The following DTWD2 variants were observed in gnomAD, a reference collection of about 807,000 sequenced individuals.
DTWD2 encodes the protein DTW motif tRNA-uridine aminocarboxypropyltransferase 2.
DTWD2 carries 39 observed loss-of-function variants against 31.8 expected under a neutral mutation model. The ratio of observed to expected loss-of-function variants is 1.22; its 90% CI spans 0.95 to 1.60. The LOEUF is 1.60. Ranked by LOEUF, DTWD2 falls within the 40% of genes most tolerant of loss-of-function variation. The probability of loss-of-function intolerance (pLI) is 0.00; values close to 1 mark genes in which losing one functional copy is unlikely to be tolerated. For synonymous variants in DTWD2, 180 were observed against 142.8 expected (o/e 1.26, Z -1.86); for missense variants, 515 against 381.5 (o/e 1.35, Z -2.92).
At chr5:118,875,909 T>C (rs1380293771) in intron 4 of DTWD2, among the ~76,000 whole-genome samples, 1 of 152,212 alleles carries the variant, frequency 6.6e-6, no homozygotes, top group Non-Finnish European at 1.5e-5. Flanking sequence ...TATATTCTTT[T>C]CTTCGCCACA....
At chr5:118,858,442 T>C (rs1176597663) in intron 4 of DTWD2, among the ~76,000 whole-genome samples, 1 of 152,228 alleles carries the variant, frequency 6.6e-6, no homozygotes, top group Non-Finnish European at 1.5e-5. Context: ...AGGAGAAAAG[T>C]GTGATTGTCT....
intron 4 of DTWD2, among the ~76,000 whole-genome samples, chr5:118,913,009 G>A (rs555990057): frequency 6.6e-6 from 1 of 152,254 alleles, no homozygotes; most frequent in African/African-American, 2.4e-5. Context: ...GGTATAGTTA[G>A]GGCTCATTAC....
At chr5:118,863,236 T>C (rs952517524) in intron 4 of DTWD2, among the ~76,000 whole-genome samples, 2 of 152,176 alleles carry the variant, frequency 1.3e-5, no homozygotes, top group African/African-American at 4.8e-5. Context: ...TAAAAACAAA[T>C]AGTTGTCCCC....
chr5:118,847,525 T>G (rs1426025186), intron 5 of DTWD2, among the ~76,000 whole-genome samples: 1 of 152,160 alleles, frequency 6.6e-6, no homozygotes, highest in Non-Finnish European at 1.5e-5. Flanking sequence ...TGCTGATGAT[T>G]ATTAATTATA....
At position 118,941,911 on chromosome 5, in the gene DTWD2, G is replaced by C. The variant is rs896047088; in HGVS notation, c.310-2621C>G. 6.6e-5 allele frequency among the ~76,000 whole-genome samples: 10 copies of C among 152,150 alleles called. 1 individual carries two copies. The highest frequency in any genetic ancestry group is 2.2e-4 in the African/African-American group (9 of 41,412). On this transcript the variant is annotated intron_variant, in intron 2 of 5. Transcript: ENST00000510708. The stretch of plus-strand genomic sequence containing the variant: ...TGATATCTCATTGTGGTTTTGATTT[G>C]CATTTCTCTGATGGCCAGTGATGAA...
intron 1 of DTWD2, among the ~76,000 whole-genome samples, chr5:118,980,291 A>C (rs1379924660): frequency 1.3e-5 from 2 of 152,238 alleles, no homozygotes; most frequent in East Asian, 3.8e-4. Context: ...CACTGTGTGC[A>C]CAGCATCTAC....
rs1257252388 is a variant in DTWD2, at chr5:118,888,274, A to G, written c.598-40056T>C. Among the ~76,000 whole-genome samples the G allele has an allele frequency of 2.6e-5, 4 of 152,078 alleles. No homozygotes were observed. The East Asian group carries it at 7.7e-4, about 29-fold the overall frequency. On this transcript the variant is annotated intron_variant, in intron 4 of 5. Coordinates refer to ENST00000510708, the MANE Select transcript of DTWD2 (RefSeq NM_173666.4). ...CTTCTCTTTCCTTCTTCCTTCATCC[A>G]TCAAGGCTAGCAATGGATCTGCTTC...
chr5:118,917,840 C>G (rs1192529049), intron 4 of DTWD2, among the ~76,000 whole-genome samples: 3 of 151,988 alleles, frequency 2.0e-5, no homozygotes, highest in Admixed American at 6.5e-5. Flanking sequence ...TAGTGCGTGA[C>G]TATAATCCCA....
chr5:118,987,304 C>T (rs977543871), intron 1 of DTWD2, among the ~76,000 whole-genome samples: 4 of 152,176 alleles, frequency 2.6e-5, no homozygotes, highest in Non-Finnish European at 5.9e-5. Flanking sequence ...ATACATAGTA[C>T]ATTTAGAAAA....
At chr5:118,925,826 C>CA (rs1753797091) in intron 4 of DTWD2, among the ~76,000 whole-genome samples, 1 of 149,922 alleles carries the variant, frequency 6.7e-6, no homozygotes, top group Non-Finnish European at 1.5e-5. Context: ...GCCTGGGTGA[C>CA]AAAGCAAGAC....
intron 4 of DTWD2, among the ~76,000 whole-genome samples, chr5:118,895,661 C>T (rs572714568): frequency 2.0e-5 from 3 of 152,086 alleles, no homozygotes; most frequent in Non-Finnish European, 4.4e-5. Flanking sequence ...CATAAAAGGA[C>T]ACATAGACCA....
At chr5:118,867,755 T>C (rs1301505589) in intron 4 of DTWD2, among the ~76,000 whole-genome samples, 2 of 152,124 alleles carry the variant, frequency 1.3e-5, no homozygotes, top group African/African-American at 4.8e-5. Context: ...ACCACACTGC[T>C]GAAAGAAATT....
At chr5:118,979,212 G>T (rs1326852495) in intron 1 of DTWD2, among the ~76,000 whole-genome samples, 1 of 152,114 alleles carries the variant, frequency 6.6e-6, no homozygotes, top group Non-Finnish European at 1.5e-5. Flanking sequence ...GCTGAGGCAG[G>T]AGAATGGTGT....
chr5:118,973,770 G>A, intron 1 of DTWD2: 6 of 1,610,600 alleles, frequency 3.7e-6, no homozygotes, highest in South Asian at 1.1e-5. Context: ...TTAATCGCCT[G>A]CATCGGATCA....
rs1012788268 is a variant in DTWD2 at position 118,839,510 on chromosome 5, A to C, written c.*1407T>G. 2.7e-5 allele frequency: 4 copies of C among 150,340 alleles called. No homozygotes were observed. The highest frequency in any genetic ancestry group is 9.8e-5 in the African/African-American group (4 of 40,650). 9.3% of individuals were successfully genotyped at this position (150,340 alleles called of 1,614,324 possible). ...GCTAGGACTACAAGTGCACACCACC[A>C]CATCTGGCTAATTATTTTTTTTTTA... On this transcript the variant is annotated 3_prime_UTR_variant, in exon 6 of 6. Coordinates refer to ENST00000510708, the MANE Select transcript of DTWD2 (RefSeq NM_173666.4).
At chr5:118,986,634 A>G (rs145210347) in intron 1 of DTWD2, among the ~76,000 whole-genome samples, 1 of 152,216 alleles carries the variant, frequency 6.6e-6, no homozygotes, top group Non-Finnish European at 1.5e-5. Context: ...GAACTCTAAT[A>G]GCATAATGAA....
intron 2 of DTWD2, among the ~76,000 whole-genome samples, chr5:118,941,352 G>A (rs764851444): frequency 6.6e-6 from 1 of 152,026 alleles, no homozygotes; most frequent in African/African-American, 2.4e-5. Flanking sequence ...ACAGGCCCCG[G>A]TGTGTGATGT....
rs377621550 is a variant in DTWD2, at chr5:118,907,281, A to C, written c.597+21256T>G. Among the ~76,000 whole-genome samples, 17 of 152,316 alleles carry C rather than the reference A, an allele frequency of 1.1e-4. 1 individual carries two copies. The East Asian group carries it at 1.7e-3, about 16-fold the overall frequency. On this transcript the variant is annotated intron_variant, in intron 4 of 5. Transcript: ENST00000510708. ...GGGATTAATTTTTGTTCAACATTTC[A>C]AGTGGTTATTTTAGACTTGTATTAG...
chr5:118,865,985 C>T (rs916735142), intron 4 of DTWD2, among the ~76,000 whole-genome samples: 6 of 150,248 alleles, frequency 4.0e-5, no homozygotes, highest in East Asian at 1.9e-4. Flanking sequence ...AAAAGAGGTA[C>T]GTGTGTCTGC....
Sources: gnomAD v4.1 joint callset for allele counts (sites outside exome capture counted in the v4.1 genomes callset) on GRCh38, gnomAD v4.1.1 for gene constraint, MANE v1.5 for transcripts, NCBI Gene and HGNC (gene_info 2026-07-23, HGNC 2026-07-21) for gene names.